The following TNS1 variants were observed in gnomAD, a reference collection of about 807,000 sequenced individuals.
TNS1 encodes tensin-1.
A neutral mutation model predicts 168.6 loss-of-function variants in TNS1; 62 were observed. The observed-to-expected ratio is 0.37, with a 90% confidence interval of 0.30 to 0.45. TNS1 has a LOEUF of 0.45. TNS1 is among the 20% of genes least tolerant of loss of function. TNS1 has a pLI of 1.00. For missense variants in TNS1, 2,240 were observed against 2,339.4 expected (o/e 0.96, Z 0.88); for synonymous variants, 934 against 933.2 (o/e 1.00, Z -0.02).
Position 217,801,197 on chromosome 2 carries a change from A to T in TNS1, c.*3262T>A, listed in dbSNP as rs184921036. The stretch of plus-strand genomic sequence containing the variant: ...TGTCCCTTAAGCGCCTGGCTAAATA[A>T]GAGAGCCAGAACACCGTGATAGCAG... On this transcript the variant is annotated 3_prime_UTR_variant, in exon 33 of 33. Coordinates refer to ENST00000682258, the MANE Select transcript of TNS1 (RefSeq NM_001387777.1). 16 of 152,358 alleles carry T rather than the reference A, an allele frequency of 1.1e-4. No homozygotes were observed. The East Asian group carries it at 2.9e-3, about 28-fold the overall frequency. 9.4% of individuals were successfully genotyped at this position (152,358 alleles called of 1,614,324 possible).
chr2:217,860,535 G>A (rs1289172334), intron 18 of TNS1, among the ~76,000 whole-genome samples: 1 of 152,114 alleles, frequency 6.6e-6, no homozygotes, highest in Non-Finnish European at 1.5e-5. Flanking sequence ...TCGGGCTCTT[G>A]AAAGGTTTAA....
At chr2:218,007,470 C>A (rs563352076), upstream of TNS1, among the ~76,000 whole-genome samples, 1 of 149,722 alleles carries the variant, frequency 6.7e-6, no homozygotes, top group African/African-American at 2.5e-5. Context: ...TACAGCAATA[C>A]GGCCACCCCA....
intron 24 of TNS1, 32 bp downstream of exon 24, chr2:217,817,658 G>A: frequency 6.6e-7 from 1 of 1,514,038 alleles, no homozygotes; most frequent in South Asian, 1.2e-5. Flanking sequence ...TCATCAGCAG[G>A]AGAGGTGAAA....
intron 1 of TNS1, among the ~76,000 whole-genome samples, chr2:218,020,379 C>T (rs1000849168): frequency 6.6e-6 from 1 of 152,032 alleles, no homozygotes; most frequent in Non-Finnish European, 1.5e-5. Flanking sequence ...GCAGTCCCGT[C>T]CCTAGGATCA....
intron 19 of TNS1, among the ~76,000 whole-genome samples, chr2:217,845,033 A>G (rs1337087537): frequency 2.6e-5 from 4 of 152,254 alleles, no homozygotes; most frequent in African/African-American, 9.6e-5. Flanking sequence ...GATGTATGCT[A>G]TAAATTTCTG....
chr2:217,894,061 C>T (rs1952021903), intron 9 of TNS1, among the ~76,000 whole-genome samples: 1 of 152,298 alleles, frequency 6.6e-6, no homozygotes, highest in Middle Eastern at 3.4e-3. Flanking sequence ...CCTGGTCACA[C>T]AAACCATCCA....
At chr2:217,876,752 G>A (rs932067409) in intron 18 of TNS1, among the ~76,000 whole-genome samples, 2 of 152,104 alleles carry the variant, frequency 1.3e-5, no homozygotes, top group African/African-American at 4.8e-5. Context: ...AAGAAGAGAT[G>A]AGGGTAAGAA....
intron 18 of TNS1, among the ~76,000 whole-genome samples, chr2:217,855,278 G>A (rs1947993231): frequency 6.6e-6 from 1 of 152,104 alleles, no homozygotes; most frequent in Non-Finnish European, 1.5e-5. Context: ...TCCCCTCTGT[G>A]CATGCTGTTC....
chr2:217,919,094 A>C (rs923567295), intron 4 of TNS1, among the ~76,000 whole-genome samples: 12 of 152,296 alleles, frequency 7.9e-5, no homozygotes, highest in African/African-American at 2.4e-4. Flanking sequence ...CTGAATAGGG[A>C]GGGAGGGAGA....
At chr2:217,966,300 T>TGG (rs1185800680) in intron 3 of TNS1, among the ~76,000 whole-genome samples, 2 of 142,156 alleles carry the variant, frequency 1.4e-5, no homozygotes, top group Non-Finnish European at 3.0e-5. Flanking sequence ...TGTGTGTGTG[T>TGG]GTGTGTGTGC....
In TNS1 at chr2:217,808,526, C is replaced by T; in HGVS notation, c.5342+77G>A. On this transcript the variant is annotated intron_variant, in intron 31 of 32. Transcript: ENST00000682258. Reference sequence around the variant, plus strand: ...GCACATGCACACACACACACACACACATGCACATGCATGCACCCACACAGA... The same window carrying T: ...GCACATGCACACACACACACACACATATGCACATGCATGCACCCACACAGA... 8 of 1,314,970 alleles carry T rather than the reference C, an allele frequency of 6.1e-6. No individual in the cohort carries two copies. The South Asian group carries it at 7.3e-5, about 12-fold the overall frequency. The allele number at this position is 1,314,970 out of a possible 1,614,324, so 81.5% of individuals were successfully genotyped here. A position where few individuals can be genotyped will look rare whatever the true frequency, so the allele number is the denominator to read the frequency against.
chr2:217,850,197 C>G (rs985356551), intron 18 of TNS1: 8 of 985,262 alleles, frequency 8.1e-6, no homozygotes, highest in Middle Eastern at 5.2e-4. Context: ...CTGCTCTGAG[C>G]CAGCCCGGGG....
chr2:217,961,398 C>G (rs565242609), intron 3 of TNS1, among the ~76,000 whole-genome samples: 3 of 152,244 alleles, frequency 2.0e-5, no homozygotes, highest in African/African-American at 7.2e-5. Flanking sequence ...CCACCTTAGC[C>G]TCTCCTTAAA....
rs1265341573 is a variant in TNS1, at chr2:217,880,999, T to G, written c.1328A>C (p.Glu443Ala). Residue 443 changes from glutamate to alanine, a missense_variant, in exon 18 of 33, where the codon GAG becomes GCG. This residue lies in a region of TNS1 where 2,131 missense variants were observed against 2,171.2 expected (regional missense o/e 0.98). Coordinates refer to ENST00000682258, the MANE Select transcript of TNS1 (RefSeq NM_001387777.1). The surrounding 1 kb of genome is among the most constrained non-coding windows in gnomAD (Gnocchi z 4.2). ...PEKIQGMEHL[E>A]NGPSVSVDYN... is the part of the protein sequence containing the mutation. ...GTCCACAGACACGCTCGGCCCGTTCTCCAGGTGCTCCATGCCTAAGTGGGA... is the reference window on the plus strand; with the variant it reads ...GTCCACAGACACGCTCGGCCCGTTCGCCAGGTGCTCCATGCCTAAGTGGGA... 1 of 1,613,800 alleles carries G rather than the reference T, an allele frequency of 6.2e-7. No individual in the cohort carries two copies. The highest frequency in any genetic ancestry group is 8.5e-7 in the Non-Finnish European group (1 of 1,179,866).
chr2:217,865,232 G>A (rs1387065437), intron 18 of TNS1, among the ~76,000 whole-genome samples: 4 of 152,166 alleles, frequency 2.6e-5, no homozygotes, highest in Admixed American at 6.5e-5. Flanking sequence ...GAGGTGGGTG[G>A]AGGATCTGGG....
chr2:218,008,178 C>A (rs1288658525), intron 1 of TNS1, among the ~76,000 whole-genome samples: 2 of 152,164 alleles, frequency 1.3e-5, no homozygotes, highest in Non-Finnish European at 2.9e-5. Flanking sequence ...GGCCCAATCC[C>A]AACAATGCTT....
chr2:217,951,329 C>A (rs1358423412), intron 3 of TNS1, among the ~76,000 whole-genome samples: 5 of 152,220 alleles, frequency 3.3e-5, no homozygotes, highest in Admixed American at 2.0e-4. Context: ...AATTACGATT[C>A]ATCTCTCTGT....
chr2:218,006,129 C>T (rs191053939), upstream of TNS1, among the ~76,000 whole-genome samples: 174 of 152,122 alleles, frequency 1.1e-3, no homozygotes, highest in African/African-American at 3.7e-3. Flanking sequence ...TCCGCTCATC[C>T]CTCCAGCCCC....
chr2:217,822,734 T>C (rs1055663368), intron 22 of TNS1, among the ~76,000 whole-genome samples: 2 of 152,126 alleles, frequency 1.3e-5, no homozygotes, highest in Non-Finnish European at 2.9e-5. Context: ...CAGATAAGGA[T>C]GGATGCTGAG....
Sources: allele counts gnomAD v4.1 joint callset (sites outside exome capture counted in the v4.1 genomes callset), GRCh38; gene constraint gnomAD v4.1.1; regional missense constraint gnomAD v4.1.1; non-coding constraint Gnocchi (gnomAD v3.1); transcripts MANE v1.5; gene names NCBI Gene and HGNC (gene_info 2026-07-23, HGNC 2026-07-21).